SYT14: variants seen among roughly 807,000 people sequenced by gnomAD.
SYT14 encodes synaptotagmin 14.
SYT14 carries 32 observed loss-of-function variants against 74.2 expected under a neutral mutation model. The observed-to-expected ratio is 0.43, with a 90% confidence interval of 0.33 to 0.58. The LOEUF (loss-of-function observed/expected upper bound fraction) is 0.58. Ranked by LOEUF, SYT14 falls within the 20% of genes least tolerant of loss-of-function variation. SYT14 has a pLI of 0.05. For synonymous variants in SYT14, 298 were observed against 337.7 expected (o/e 0.88, Z 1.29); for missense variants, 791 against 981.8 (o/e 0.81, Z 2.60).
intron 7 of SYT14, among the ~76,000 whole-genome samples, chr1:210,117,217 G>A (rs2082379068): frequency 6.6e-6 from 1 of 151,856 alleles, no homozygotes; most frequent in Non-Finnish European, 1.5e-5. Context: ...TTATGTTAAT[G>A]GATTAAATCA....
exon 10 of SYT14, chr1:210,169,020 C>T (rs962763004): frequency 9.2e-5 from 14 of 152,252 alleles, no homozygotes; most frequent in Admixed American, 7.9e-4. Flanking sequence ...GTCATATTCT[C>T]TCCTTTTGGT....
At chr1:209,975,825 A>G (rs2079351447) in intron 2 of SYT14, among the ~76,000 whole-genome samples, 1 of 152,182 alleles carries the variant, frequency 6.6e-6, no homozygotes, top group Admixed American at 6.5e-5. Flanking sequence ...CTGTGAATCC[A>G]TCTGATCCGG....
intron 1 of SYT14, 80 bp downstream of exon 1, chr1:209,938,357 A>T: frequency 7.0e-7 from 1 of 1,430,330 alleles, no homozygotes; most frequent in Non-Finnish European, 9.5e-7. Flanking sequence ...CGGCAGGCCG[A>T]GGCGCTGACG....
chr1:209,950,921 TTA>T (rs1210012616), intron 1 of SYT14, among the ~76,000 whole-genome samples: 1 of 152,202 alleles, frequency 6.6e-6, no homozygotes, highest in Non-Finnish European at 1.5e-5. Flanking sequence ...TTTATTCAGC[TTA>T]CATTAAAGTA....
chr1:210,020,244 A>G lies in SYT14; in HGVS notation c.1097-795A>G, dbSNP rs562582950. 4.6e-5 allele frequency among the ~76,000 whole-genome samples: 7 copies of G among 152,328 alleles called. No individual in the cohort carries two copies. The South Asian group carries it at 6.2e-4, about 14-fold the overall frequency. On this transcript the variant is annotated intron_variant, in intron 4 of 9. Coordinates refer to ENST00000637265, the Ensembl canonical transcript of SYT14. ...CTCATTTTTAATGACTGCATAATATATCATTGAATAGATACATCATAATTT... is the reference window on the plus strand; with the variant it reads ...CTCATTTTTAATGACTGCATAATATGTCATTGAATAGATACATCATAATTT...
intron 4 of SYT14, among the ~76,000 whole-genome samples, chr1:210,019,383 A>G (rs887261921): frequency 6.6e-5 from 10 of 152,292 alleles, no homozygotes; most frequent in Non-Finnish European, 1.2e-4. Context: ...TTCTGCAACA[A>G]TGAAAAAGTC....
At chr1:210,134,249 C>T (rs563159840) in intron 7 of SYT14, among the ~76,000 whole-genome samples, 1 of 151,834 alleles carries the variant, frequency 6.6e-6, no homozygotes, top group Non-Finnish European at 1.5e-5. Flanking sequence ...ACCACAGGTG[C>T]ATGCCACCAC....
chr1:210,057,444 ATCTT>A (rs990024729), intron 5 of SYT14, among the ~76,000 whole-genome samples: 3 of 152,108 alleles, frequency 2.0e-5, no homozygotes, highest in African/African-American at 7.2e-5. Context: ...TCACAGATTA[ATCTT>A]TCTATTTTCA....
At chr1:209,984,625 G>T (rs2079541481) in intron 2 of SYT14, among the ~76,000 whole-genome samples, 1 of 152,162 alleles carries the variant, frequency 6.6e-6, no homozygotes, top group South Asian at 2.1e-4. Context: ...TCTTACAGCA[G>T]ATTTGCTGGT....
intron 9 of SYT14, among the ~76,000 whole-genome samples, chr1:210,160,478 C>G (rs1471170416): frequency 2.0e-5 from 3 of 151,974 alleles, no homozygotes; most frequent in East Asian, 1.9e-4. Flanking sequence ...CCTTTAAATT[C>G]TAACTATTAC....
chr1:209,997,179 TG>T (rs1234180582), intron 2 of SYT14, among the ~76,000 whole-genome samples: 1 of 151,746 alleles, frequency 6.6e-6, no homozygotes, highest in African/African-American at 2.4e-5. Flanking sequence ...AAAAGTCAAA[TG>T]GCTTCTTTTT....
At chr1:210,160,324 G>C (rs918411780) in intron 9 of SYT14, among the ~76,000 whole-genome samples, 18 of 151,448 alleles carry the variant, frequency 1.2e-4, no homozygotes, top group Non-Finnish European at 2.4e-4. Flanking sequence ...GCTTTACAGT[G>C]TTGTGGCTAA....
intron 5 of SYT14, among the ~76,000 whole-genome samples, chr1:210,025,464 GA>G (rs2080390318): frequency 6.6e-6 from 1 of 152,148 alleles, no homozygotes; most frequent in South Asian, 2.1e-4. Context: ...TCACAAGGTA[GA>G]AGGAAAAATA....
chr1:210,155,096 C>T (rs1253301456), intron 7 of SYT14, among the ~76,000 whole-genome samples: 2 of 152,108 alleles, frequency 1.3e-5, no homozygotes, highest in African/African-American at 2.4e-5. Context: ...TAAATGCATC[C>T]AAATTTGGGA....
rs562329694 is a variant in SYT14 at position 209,943,878 on chromosome 1, A to G, written c.-534+5601A>G. Among the ~76,000 whole-genome samples the G allele has an allele frequency of 4.9e-4, 75 of 152,290 alleles. No homozygotes were observed. The South Asian group carries it at 0.016, about 32-fold the overall frequency. The stretch of plus-strand genomic sequence containing the variant: ...ATGATTATATGCATATTTTGTATGT[A>G]TATATAGTAATAGCTAAATTGGAAC... On this transcript the variant is annotated intron_variant, in intron 1 of 9. Transcript: ENST00000637265.
intron 7 of SYT14, among the ~76,000 whole-genome samples, chr1:210,132,568 TGTG>T (rs1254680235): frequency 5.0e-5 from 1 of 19,806 alleles, no homozygotes; most frequent in Non-Finnish European, 1.1e-4. Context: ...TTTTATATAT[TGTG>T]TGTGTGTGTG....
chr1:210,005,074 A>G (rs1354799304), intron 2 of SYT14, among the ~76,000 whole-genome samples: 4 of 152,004 alleles, frequency 2.6e-5, no homozygotes, highest in Admixed American at 2.6e-4. Context: ...ATATGCTGGT[A>G]AGGTTAGATG....
intron 5 of SYT14, among the ~76,000 whole-genome samples, chr1:210,044,342 C>T (rs1343668034): frequency 6.6e-6 from 1 of 152,146 alleles, no homozygotes; most frequent in Non-Finnish European, 1.5e-5. Flanking sequence ...AATGTAAAGA[C>T]CCTTGTGTTT....
At chr1:210,100,035 T>C in exon 7 of SYT14, 1 of 1,614,098 alleles carries the variant, frequency 6.2e-7, no homozygotes, top group Non-Finnish European at 8.5e-7. Flanking sequence ...AAGGATCATC[T>C]TCGCAGCTTC....
Sources: allele counts gnomAD v4.1 joint callset (sites outside exome capture counted in the v4.1 genomes callset), GRCh38; gene constraint gnomAD v4.1.1; transcripts MANE v1.5; gene names NCBI Gene and HGNC (gene_info 2026-07-23, HGNC 2026-07-21).